The following CABLES1 variants were observed in gnomAD, a reference collection of about 807,000 sequenced individuals.
CABLES1 encodes the protein CDK5 and ABL1 enzyme substrate 1.
CABLES1 carries 36 observed loss-of-function variants against 57.8 expected under a neutral mutation model. The ratio of observed to expected loss-of-function variants is 0.62; its 90% confidence interval spans 0.48 to 0.82. CABLES1 has a LOEUF of 0.82. Among genes scored for constraint, CABLES1 ranks in the 40% least tolerant of loss-of-function variants. The pLI is 0.00. For synonymous variants in CABLES1, 374 were observed against 363.0 expected (o/e 1.03, Z -0.35); for missense variants, 767 against 836.6 (o/e 0.92, Z 1.03).
chr18:23,248,915 A>G (rs575480173), intron 7 of CABLES1, among the ~76,000 whole-genome samples: 24 of 152,380 alleles, frequency 1.6e-4, no homozygotes, highest in Admixed American at 6.5e-4. Flanking sequence ...TTGGCATTTC[A>G]GGAATGATCC....
chr18:23,152,393 A>G (rs571955110), intron 1 of CABLES1, among the ~76,000 whole-genome samples: 2 of 152,196 alleles, frequency 1.3e-5, no homozygotes, highest in South Asian at 4.1e-4. Context: ...TTGTTGATTG[A>G]ATATTTACGT....
chr18:23,221,789 T>A (rs1177808162), intron 4 of CABLES1, among the ~76,000 whole-genome samples: 4 of 152,150 alleles, frequency 2.6e-5, no homozygotes, highest in Non-Finnish European at 2.9e-5. Flanking sequence ...TACCTGGGTA[T>A]CATGAGCTAG....
intron 4 of CABLES1, among the ~76,000 whole-genome samples, chr18:23,227,608 C>G (rs952507651): frequency 2.6e-5 from 4 of 152,120 alleles, no homozygotes; most frequent in Non-Finnish European, 5.9e-5. Flanking sequence ...TCTGGAGGCA[C>G]CTTCTGCTTG....
chr18:23,159,477 G>A (rs1302405294), intron 1 of CABLES1, among the ~76,000 whole-genome samples: 1 of 152,164 alleles, frequency 6.6e-6, no homozygotes, highest in Admixed American at 6.5e-5. Flanking sequence ...GAGAGAGAAA[G>A]GCACCTTTCC....
intron 4 of CABLES1, among the ~76,000 whole-genome samples, chr18:23,218,030 C>T (rs888435953): frequency 2.0e-5 from 3 of 152,172 alleles, no homozygotes; most frequent in Admixed American, 2.0e-4. Flanking sequence ...GCCACATGGG[C>T]CTGATTATTC....
At chr18:23,143,455 T>A (rs953996992) in intron 1 of CABLES1, among the ~76,000 whole-genome samples, 1 of 152,252 alleles carries the variant, frequency 6.6e-6, no homozygotes, top group Non-Finnish European at 1.5e-5. Context: ...GGAATGATAC[T>A]ACCACCTCCG....
chr18:23,222,096 T>G (rs2145064727), intron 4 of CABLES1, among the ~76,000 whole-genome samples: 2 of 152,332 alleles, frequency 1.3e-5, no homozygotes, highest in Admixed American at 1.3e-4. Context: ...ACCTCCTTTG[T>G]GGTCCCCCAG....
intron 4 of CABLES1, among the ~76,000 whole-genome samples, chr18:23,229,170 T>C (rs997211597): frequency 1.3e-5 from 2 of 152,204 alleles, no homozygotes; most frequent in Admixed American, 6.5e-5. Flanking sequence ...CCCAGCACTT[T>C]AGGAGGCTGA....
chr18:23,247,199 C>G (rs2047918404), intron 7 of CABLES1, among the ~76,000 whole-genome samples: 1 of 152,228 alleles, frequency 6.6e-6, no homozygotes, highest in East Asian at 1.9e-4. Flanking sequence ...GGAGGCCCGG[C>G]CTCTAAGGGC....
chr18:23,150,956 G>A (rs1303815424), intron 1 of CABLES1, among the ~76,000 whole-genome samples: 1 of 151,716 alleles, frequency 6.6e-6, no homozygotes, highest in African/African-American at 2.4e-5. Flanking sequence ...GCCTCATAAC[G>A]CTAAGAGCTC....
At chr18:23,144,910 T>G (rs1400795319) in intron 1 of CABLES1, among the ~76,000 whole-genome samples, 1 of 152,056 alleles carries the variant, frequency 6.6e-6, no homozygotes, top group Non-Finnish European at 1.5e-5. Flanking sequence ...ACCTAAGGCT[T>G]TACCACACAT....
intron 3 of CABLES1, among the ~76,000 whole-genome samples, chr18:23,210,433 T>C (rs566299981): frequency 6.6e-6 from 1 of 152,332 alleles, no homozygotes; most frequent in Admixed American, 6.5e-5. Context: ...ACTGTGCTTG[T>C]TGTTTATGTC....
chr18:23,146,430 TC>T (rs1378725043), intron 1 of CABLES1, among the ~76,000 whole-genome samples: 4 of 152,174 alleles, frequency 2.6e-5, no homozygotes, highest in Non-Finnish European at 4.4e-5. Flanking sequence ...TGTCTCGAAC[TC>T]CTGACTTCAA....
In CABLES1 at chr18:23,136,447, A is replaced by AC; in HGVS notation, c.690dup (p.Gly231ArgfsTer69). 1 of 1,602,798 alleles carries AC rather than the reference A, an allele frequency of 6.2e-7. No individual in the cohort carries two copies. The highest frequency in any genetic ancestry group is 8.5e-7 in the Non-Finnish European group (1 of 1,176,448). On this transcript the variant is annotated frameshift_variant, in exon 1 of 10. Coordinates refer to ENST00000256925, the MANE Select transcript of CABLES1 (RefSeq NM_001100619.3). LOFTEE classifies it high-confidence loss of function. ...GGCGGCCGCCTTTTTGGGCTCCGGGACCCCCGGGAGTGGGAGCGGCAGTCG... is the reference window on the plus strand; with the variant it reads ...GGCGGCCGCCTTTTTGGGCTCCGGGACCCCCCGGGAGTGGGAGCGGCAGTCG...
intron 2 of CABLES1, chr18:23,190,253 AGAGT>A (rs969940074): frequency 6.6e-6 from 1 of 152,206 alleles, no homozygotes; most frequent in Non-Finnish European, 1.5e-5. Context: ...CTTTGGTGTT[AGAGT>A]GAGTGACATC....
At chr18:23,235,184 T>C (rs1420161034) in intron 5 of CABLES1, among the ~76,000 whole-genome samples, 1 of 151,888 alleles carries the variant, frequency 6.6e-6, no homozygotes, top group African/African-American at 2.4e-5. Flanking sequence ...GTCTCAGGAG[T>C]GAAAGGTTGA....
chr18:23,137,004 T>C (rs976390963), intron 1 of CABLES1, among the ~76,000 whole-genome samples: 6 of 152,174 alleles, frequency 3.9e-5, no homozygotes, highest in Admixed American at 6.5e-5. Flanking sequence ...AGTGGAGCAG[T>C]GCAGGCCGGC....
chr18:23,253,121 C>A, intron 8 of CABLES1, 55 bp downstream of exon 8: 1 of 967,044 alleles, frequency 1.0e-6, no homozygotes, highest in Non-Finnish European at 1.7e-6. Flanking sequence ...TCTTTCCACA[C>A]ACCGTAAGCT....
chr18:23,211,088 T>C (rs1042868985), intron 3 of CABLES1, among the ~76,000 whole-genome samples: 1 of 151,580 alleles, frequency 6.6e-6, no homozygotes, highest in South Asian at 2.1e-4. Flanking sequence ...GAGTGAGCGC[T>C]CACTTAATAG....
Sources: gnomAD v4.1 joint callset for allele counts (sites outside exome capture counted in the v4.1 genomes callset) on GRCh38, gnomAD v4.1.1 for gene constraint, MANE v1.5 for transcripts, NCBI Gene and HGNC (gene_info 2026-07-23, HGNC 2026-07-21) for gene names.